ACOT12: variants seen among roughly 807,000 people sequenced by gnomAD.
ACOT12 encodes acetyl-coenzyme A thioesterase.
In ACOT12, 51 loss-of-function variants were observed where a neutral mutation model predicts 67.7. The ratio of observed to expected loss-of-function variants is 0.75; its 90% CI spans 0.60 to 0.95. ACOT12 has a LOEUF of 0.95. Ranked by LOEUF, ACOT12 falls within the 40% of genes least tolerant of loss-of-function variation. The probability of loss-of-function intolerance (pLI) is 0.00; values close to 1 mark genes in which losing one functional copy is unlikely to be tolerated. For synonymous variants in ACOT12, 251 were observed against 244.6 expected (o/e 1.03, Z -0.24); for missense variants, 734 against 708.1 (o/e 1.04, Z -0.41).
At position 81,335,885 on chromosome 5, in the gene ACOT12, A is replaced by C. The variant is rs1246674836; in HGVS notation, c.1145T>G (p.Leu382Arg). Residue 382 changes from leucine to arginine, a missense_variant, in exon 12 of 15, where the codon CTG (leucine) becomes CGG (arginine). Physicochemically the swap from Leu to Arg is moderately radical, Grantham distance 102. Transcript: ENST00000307624. ...AACAGATAAAACATCATGCTCTTCC[A>C]GAGTATATATTTTTATCTAAAAGAC... is the stretch of plus-strand genomic sequence containing the variant. Reference protein sequence around the residue: ...STVEKIKIYTLEEHDVLSVWV... With the variant: ...STVEKIKIYTREEHDVLSVWV... 1 of 1,610,114 alleles carries C rather than the reference A, an allele frequency of 6.2e-7. No individual in the cohort carries two copies. Among genetic ancestry groups the C allele is most frequent in the East Asian group, 2.2e-5 (1 of 44,868 alleles).
chr5:81,368,773 A>G (rs948802089), intron 3 of ACOT12, among the ~76,000 whole-genome samples: 4 of 152,082 alleles, frequency 2.6e-5, no homozygotes, highest in African/African-American at 9.7e-5. Flanking sequence ...AATTAAACCC[A>G]AAATAAATAG....
intron 5 of ACOT12, 130 bp downstream of exon 5, chr5:81,359,773 G>T: frequency 3.0e-6 from 3 of 1,007,446 alleles, no homozygotes; most frequent in African/African-American, 1.7e-5. Flanking sequence ...CACCGGGTTT[G>T]TTGGAAAGGA....
At chr5:81,322,888 G>A in the ACOT12 span, among the ~76,000 whole-genome samples, 87 of 151,966 alleles carry the variant, frequency 5.7e-4, no homozygotes, top group Non-Finnish European at 1.1e-3. Context: ...AGAACAGCAC[G>A]GGAGAATTCG....
chr5:81,362,373 C>T (rs1339310757), intron 4 of ACOT12, among the ~76,000 whole-genome samples: 2 of 152,004 alleles, frequency 1.3e-5, no homozygotes, highest in African/African-American at 2.4e-5. Flanking sequence ...TCCATGTTGG[C>T]CAGGCTGGTC....
intron 5 of ACOT12, among the ~76,000 whole-genome samples, chr5:81,358,046 CAACT>C (rs1759779546): frequency 7.1e-6 from 1 of 140,846 alleles, no homozygotes; most frequent in African/African-American, 2.6e-5. Context: ...AGAAGAAAAA[CAACT>C]GTATTTTGAC....
intron 2 of ACOT12, among the ~76,000 whole-genome samples, chr5:81,375,169 A>G (rs1011946742): frequency 2.0e-5 from 3 of 152,254 alleles, no homozygotes; most frequent in African/African-American, 4.8e-5. Context: ...AAGCCAGAAG[A>G]GAGTGGCGGC....
chr5:81,384,117 C>CTT (rs35675731), intron 2 of ACOT12, among the ~76,000 whole-genome samples: 11,278 of 118,644 alleles, frequency 0.095, 844 homozygotes, highest in Middle Eastern at 0.14. Flanking sequence ...CATAGGTGTA[C>CTT]TTTTTTTTTT....
intron 5 of ACOT12, among the ~76,000 whole-genome samples, chr5:81,353,362 C>G (rs1759612202): frequency 6.6e-6 from 1 of 152,186 alleles, no homozygotes; most frequent in African/African-American, 2.4e-5. Context: ...GTTAAGTAAA[C>G]AGAACTCACC....
At chr5:81,378,046 G>T (rs1407953525) in intron 2 of ACOT12, among the ~76,000 whole-genome samples, 3 of 152,122 alleles carry the variant, frequency 2.0e-5, no homozygotes, top group Non-Finnish European at 4.4e-5. Context: ...TAAGCAAAAA[G>T]AATAAAGCTG....
intron 5 of ACOT12, among the ~76,000 whole-genome samples, chr5:81,354,607 C>T (rs146536424): frequency 1.3e-5 from 2 of 152,242 alleles, no homozygotes; most frequent in East Asian, 3.9e-4. Context: ...AAAAACATGA[C>T]AACAATTTCC....
chr5:81,376,036 ATTC>A (rs200130586), intron 2 of ACOT12, among the ~76,000 whole-genome samples: 2,177 of 152,268 alleles, frequency 0.014, 57 homozygotes, highest in African/African-American at 0.05. Flanking sequence ...CAGAATATAC[ATTC>A]TTCTCAGCAC....
chr5:81,331,030 A>T, intron 13 of ACOT12, 90 bp from the exon 14 acceptor site: 1 of 1,383,978 alleles, frequency 7.2e-7, no homozygotes, highest in Non-Finnish European at 9.5e-7. Context: ...TTACTTATAC[A>T]GGTAGAAGTG....
At chr5:81,325,013 G>C (rs910479161), downstream of ACOT12, among the ~76,000 whole-genome samples, 1 of 152,152 alleles carries the variant, frequency 6.6e-6, no homozygotes, top group Non-Finnish European at 1.5e-5. Context: ...AGACACCTGT[G>C]GTTGTGAAAA....
the ACOT12 span, among the ~76,000 whole-genome samples, chr5:81,323,432 G>C: frequency 6.6e-6 from 1 of 152,158 alleles, no homozygotes; most frequent in Non-Finnish European, 1.5e-5. Flanking sequence ...GGGACCATCA[G>C]ACTAACCTTG....
chr5:81,365,614 T>A (rs1760054375), intron 3 of ACOT12, among the ~76,000 whole-genome samples: 1 of 152,220 alleles, frequency 6.6e-6, no homozygotes, highest in Admixed American at 6.5e-5. Flanking sequence ...AATTTCATTG[T>A]GTTATAAGAG....
chr5:81,367,795 A>G (rs934428506), intron 3 of ACOT12, among the ~76,000 whole-genome samples: 1 of 152,198 alleles, frequency 6.6e-6, no homozygotes, highest in African/African-American at 2.4e-5. Flanking sequence ...ATAAAAAAAT[A>G]GCATCCAAAT....
intron 5 of ACOT12, among the ~76,000 whole-genome samples, chr5:81,352,995 C>T (rs182856933): frequency 6.6e-6 from 1 of 152,088 alleles, no homozygotes; most frequent in Non-Finnish European, 1.5e-5. Context: ...TGTGCATGTA[C>T]TATCTCTTTA....
chr5:81,323,759 T>C, the ACOT12 span, among the ~76,000 whole-genome samples: 1 of 151,584 alleles, frequency 6.6e-6, no homozygotes, highest in Non-Finnish European at 1.5e-5. Context: ...GGGTTGAAAG[T>C]AGAATGAAGA....
intron 11 of ACOT12, 148 bp from the exon 12 acceptor site, chr5:81,336,049 C>T: frequency 2.4e-6 from 2 of 829,926 alleles, no homozygotes; most frequent in Non-Finnish European, 1.8e-6. Context: ...GGCAATTTCT[C>T]TTCAAATACT....
Sources: allele counts gnomAD v4.1 joint callset (sites outside exome capture counted in the v4.1 genomes callset), GRCh38; gene constraint gnomAD v4.1.1; transcripts MANE v1.5; gene names NCBI Gene and HGNC (gene_info 2026-07-23, HGNC 2026-07-21).